Variants in PDE4D observed in about 807,000 individuals in gnomAD.
PDE4D encodes 3',5'-cyclic-AMP phosphodiesterase 4D.
PDE4D carries 24 observed loss-of-function variants against 87.4 expected under a neutral mutation model. The observed-to-expected ratio is 0.27, with a 90% CI of 0.20 to 0.39. The LOEUF is 0.39. Ranked by LOEUF, PDE4D falls within the 10% of genes least tolerant of loss-of-function variation. The pLI is 1.00. For missense variants in PDE4D, 714 were observed against 1,041.0 expected (o/e 0.69, Z 4.32); for synonymous variants, 384 against 383.2 (o/e 1.00, Z -0.02).
At chr5:59,391,127 A>G (rs1788151741) in intron 1 of PDE4D, among the ~76,000 whole-genome samples, 1 of 152,160 alleles carries the variant, frequency 6.6e-6, no homozygotes, top group African/African-American at 2.4e-5. Context: ...TAAGCATAGG[A>G]GGAGACTAAA....
At chr5:59,607,705 T>A (rs1828406653) in intron 1 of PDE4D, among the ~76,000 whole-genome samples, 1 of 151,878 alleles carries the variant, frequency 6.6e-6, no homozygotes, top group African/African-American at 2.4e-5. Flanking sequence ...CATACTATAA[T>A]TAGAGGTACA....
At chr5:59,647,124 T>A (rs1441917618) in intron 1 of PDE4D, among the ~76,000 whole-genome samples, 1 of 152,178 alleles carries the variant, frequency 6.6e-6, no homozygotes, top group Non-Finnish European at 1.5e-5. Context: ...AAAATGCACA[T>A]AATCTGGCAT....
chr5:59,448,752 C>T (rs1486215041), intron 1 of PDE4D, among the ~76,000 whole-genome samples: 2 of 152,160 alleles, frequency 1.3e-5, no homozygotes, highest in African/African-American at 2.4e-5. Flanking sequence ...CCCATTTCAG[C>T]CTCCTGAGTA....
At chr5:59,988,821 T>A in intron 2 of PDE4D, 1 of 589,284 alleles carries the variant, frequency 1.7e-6, no homozygotes, top group Non-Finnish European at 2.9e-6. Context: ...AAGTAAAATG[T>A]ATACATGAAA....
chr5:60,420,274 T>C (rs890851081), intron 1 of PDE4D, among the ~76,000 whole-genome samples: 6 of 152,126 alleles, frequency 3.9e-5, no homozygotes, highest in African/African-American at 1.4e-4. Flanking sequence ...TGTCCTAAAG[T>C]AAGTCCTATG....
intron 1 of PDE4D, among the ~76,000 whole-genome samples, chr5:60,313,720 G>A (rs1327400490): frequency 3.3e-5 from 5 of 152,072 alleles, no homozygotes; most frequent in African/African-American, 1.2e-4. Context: ...GGATCGAACA[G>A]GACATCAAAA....
intron 1 of PDE4D, among the ~76,000 whole-genome samples, chr5:59,609,807 T>C (rs295964): frequency 0.86 from 131,311 of 152,180 alleles, 56,713 homozygotes; most frequent in South Asian, 0.93. Context: ...AGCCACAAAC[T>C]CTGAGCTTCC....
chr5:60,096,830 G>A (rs946142059), intron 2 of PDE4D, among the ~76,000 whole-genome samples: 6 of 152,018 alleles, frequency 3.9e-5, no homozygotes, highest in Non-Finnish European at 5.9e-5. Flanking sequence ...TTGCTCCTGG[G>A]CCATTTACAA....
chr5:59,537,307 TATTA>T (rs1333742362), intron 1 of PDE4D, among the ~76,000 whole-genome samples: 1 of 152,240 alleles, frequency 6.6e-6, no homozygotes, highest in Non-Finnish European at 1.5e-5. Context: ...GCTTTCCAGT[TATTA>T]ATTAGGAAAA....
At chr5:59,262,519 A>C (rs1201677434) in intron 1 of PDE4D, among the ~76,000 whole-genome samples, 1 of 151,814 alleles carries the variant, frequency 6.6e-6, no homozygotes, top group Admixed American at 6.6e-5. Flanking sequence ...CTGGCTTCAC[A>C]ATCGGAAAAG....
intron 6 of PDE4D, among the ~76,000 whole-genome samples, chr5:59,018,512 C>T (rs762090427): frequency 6.6e-6 from 1 of 152,124 alleles, no homozygotes; most frequent in Non-Finnish European, 1.5e-5. Context: ...AAATACAGCT[C>T]AAGGATTAAG....
intron 1 of PDE4D, among the ~76,000 whole-genome samples, chr5:60,349,032 C>T (rs771703375): frequency 1.3e-5 from 2 of 152,056 alleles, no homozygotes; most frequent in Non-Finnish European, 2.9e-5. Context: ...AAACCTAATA[C>T]CACAAAGTAA....
chr5:59,561,424 A>C (rs1819957123), intron 1 of PDE4D, among the ~76,000 whole-genome samples: 1 of 152,176 alleles, frequency 6.6e-6, no homozygotes. Context: ...AAAAGTATTC[A>C]CCTGTCTAAA....
intron 2 of PDE4D, among the ~76,000 whole-genome samples, chr5:60,056,047 G>T (rs1475307325): frequency 6.6e-6 from 1 of 151,972 alleles, no homozygotes; most frequent in Non-Finnish European, 1.5e-5. Flanking sequence ...TGAAATTGTA[G>T]GAAAATGAGA....
intron 5 of PDE4D, among the ~76,000 whole-genome samples, chr5:59,110,214 G>T (rs1050515892): frequency 6.6e-6 from 1 of 152,252 alleles, no homozygotes; most frequent in African/African-American, 2.4e-5. Context: ...TAAGGCTCTT[G>T]TGAGCTTTTG....
intron 6 of PDE4D, among the ~76,000 whole-genome samples, chr5:59,015,865 G>T (rs1241928011): frequency 6.6e-6 from 1 of 152,106 alleles, no homozygotes; most frequent in Non-Finnish European, 1.5e-5. Flanking sequence ...CAAAGACTTG[G>T]AACCAACCCA....
intron 1 of PDE4D, among the ~76,000 whole-genome samples, chr5:59,380,193 A>G (rs1785488462): frequency 6.6e-6 from 1 of 152,192 alleles, no homozygotes. Flanking sequence ...ATGCATAAAT[A>G]ACATGCATTA....
chr5:59,264,454 C>T (rs1408287920), intron 1 of PDE4D, among the ~76,000 whole-genome samples: 1 of 152,064 alleles, frequency 6.6e-6, no homozygotes, highest in East Asian at 1.9e-4. Context: ...TTCAGTTACA[C>T]GAATACCTTT....
chr5:59,197,923 T>C (rs1427024825), intron 2 of PDE4D, among the ~76,000 whole-genome samples: 1 of 152,164 alleles, frequency 6.6e-6, no homozygotes, highest in East Asian at 1.9e-4. Flanking sequence ...TGGGAGGGAT[T>C]ACAATACAAT....
Sources: gnomAD v4.1 joint callset for allele counts (sites outside exome capture counted in the v4.1 genomes callset) on GRCh38, gnomAD v4.1.1 for gene constraint, MANE v1.5 for transcripts, NCBI Gene and HGNC (gene_info 2026-07-23, HGNC 2026-07-21) for gene names.